Variants in DACH2 observed in about 807,000 individuals in gnomAD.
DACH2 encodes dachshund family transcription factor 2.
In DACH2, 17 loss-of-function variants were observed where a neutral mutation model predicts 35.8. The ratio of observed to expected loss-of-function variants is 0.48; its 90% CI spans 0.33 to 0.71. DACH2 has a LOEUF of 0.71. DACH2 is among the 30% of genes least tolerant of loss of function. The pLI, the probability that DACH2 is intolerant of heterozygous loss-of-function variation, is 0.02. For synonymous variants in DACH2, 195 were observed against 177.3 expected, an observed-to-expected ratio of 1.10 and a Z score of -0.79; for missense variants, 469 against 472.7, an observed-to-expected ratio of 0.99 and a Z score of 0.07.
At chrX:86,653,580 T>C in intron 4 of DACH2, among the ~76,000 whole-genome samples, 1 of 111,164 alleles carries the variant, frequency 9.0e-6, no homozygotes. Context: ...CATTCAGTAA[T>C]GAATTCCCTC....
intron 7 of DACH2, among the ~76,000 whole-genome samples, chrX:86,803,139 G>A (rs1025250739): frequency 1.6e-4 from 18 of 111,541 alleles, no homozygotes; most frequent in African/African-American, 5.9e-4. Context: ...TGGAACCTCA[G>A]CAGTTTTGTA....
At chrX:86,512,873 G>A (rs990980594) in intron 2 of DACH2, 16 of 327,164 alleles carry the variant, frequency 4.9e-5, no homozygotes, top group African/African-American at 4.0e-4. Context: ...GGCAAACACG[G>A]TAAAACACTG....
At chrX:86,523,422 T>G (rs1210021251) in intron 3 of DACH2, among the ~76,000 whole-genome samples, 1 of 111,826 alleles carries the variant, frequency 8.9e-6, no homozygotes, top group African/African-American at 3.2e-5. Context: ...TTAAAAAAAA[T>G]ATCAAGCCCT....
intron 7 of DACH2, among the ~76,000 whole-genome samples, chrX:86,765,273 G>T (rs914192983): frequency 1.8e-5 from 2 of 111,089 alleles, no homozygotes; most frequent in Admixed American, 9.6e-5. Flanking sequence ...CAATTGCTTT[G>T]GGGGAACTTA....
At chrX:86,344,323 C>CATATATATAT (rs761609271) in intron 1 of DACH2, among the ~76,000 whole-genome samples, 348 of 90,167 alleles carry the variant, frequency 3.9e-3, no homozygotes, top group Non-Finnish European at 5.1e-3. Context: ...CTTGGAAGTG[C>CATATATATAT]ATATATATAT....
chrX:86,650,973 T>G, intron 3 of DACH2, 63 bp from the exon 4 acceptor site: 4 of 1,024,736 alleles, frequency 3.9e-6, no homozygotes, highest in Non-Finnish European at 3.8e-6. Context: ...CCCCCAAATC[T>G]AAAATAAAAG....
chrX:86,831,980 A>T (rs2042616711), intron 11 of DACH2, 126 bp from the exon 12 acceptor site: 1 of 428,814 alleles, frequency 2.3e-6, no homozygotes, highest in Admixed American at 4.7e-5. Context: ...GTTAAATTTT[A>T]CCAACACTAA....
intron 1 of DACH2, among the ~76,000 whole-genome samples, chrX:86,194,110 C>G (rs865811907): frequency 9.1e-6 from 1 of 110,344 alleles, no homozygotes; most frequent in African/African-American, 3.3e-5. Context: ...TTCCTTGTGA[C>G]AAAGAAAGAA....
At chrX:86,377,283 C>T (rs186892760) in intron 2 of DACH2, among the ~76,000 whole-genome samples, 90 of 111,164 alleles carry the variant, frequency 8.1e-4, no homozygotes, top group Non-Finnish European at 1.4e-3. Context: ...TGTGCTACAA[C>T]GATAATGGAA....
At chrX:86,529,527 C>T in intron 3 of DACH2, among the ~76,000 whole-genome samples, 1 of 106,688 alleles carries the variant, frequency 9.4e-6, no homozygotes, top group Middle Eastern at 4.8e-3. Context: ...GGCTGGAGTG[C>T]AGTGGCACAA....
At chrX:86,169,167 A>G (rs759127406) in intron 1 of DACH2, among the ~76,000 whole-genome samples, 4 of 111,563 alleles carry the variant, frequency 3.6e-5, no homozygotes, top group Non-Finnish European at 7.5e-5. Flanking sequence ...TTTTTACTGG[A>G]TATACTATTC....
chrX:86,295,604 T>C (rs2034434947), intron 1 of DACH2, among the ~76,000 whole-genome samples: 2 of 111,275 alleles, frequency 1.8e-5, no homozygotes, highest in Non-Finnish European at 3.8e-5. Flanking sequence ...ACCACTAGGA[T>C]TGACAATTCC....
intron 2 of DACH2, among the ~76,000 whole-genome samples, chrX:86,380,155 G>C (rs2036025005): frequency 9.1e-6 from 1 of 110,231 alleles, no homozygotes; most frequent in Non-Finnish European, 1.9e-5. Flanking sequence ...CGTGAGTTCA[G>C]GTGATTTTTC....
At chrX:86,210,413 T>C (rs983331047) in intron 1 of DACH2, among the ~76,000 whole-genome samples, 1 of 111,392 alleles carries the variant, frequency 9.0e-6, no homozygotes, top group Non-Finnish European at 1.9e-5. Context: ...AGAATACTAA[T>C]TTAAAAAGCT....
chrX:86,445,431 C>T (rs1348064700), intron 2 of DACH2, among the ~76,000 whole-genome samples: 1 of 93,064 alleles, frequency 1.1e-5, no homozygotes, highest in Admixed American at 1.2e-4. Flanking sequence ...GTGGGTGCAG[C>T]GCACCAGCAT....
chrX:86,675,444 C>T (rs756924380), intron 4 of DACH2, among the ~76,000 whole-genome samples: 2 of 111,905 alleles, frequency 1.8e-5, no homozygotes, highest in East Asian at 2.8e-4. Context: ...TAGCACTTTA[C>T]GAAGTCGAGG....
At chrX:86,735,581 G>C (rs745455627) in intron 6 of DACH2, among the ~76,000 whole-genome samples, 1 of 111,575 alleles carries the variant, frequency 9.0e-6, no homozygotes. Context: ...TGAACTATGT[G>C]AGTACACATC....
intron 7 of DACH2, among the ~76,000 whole-genome samples, chrX:86,774,696 T>C (rs1412478329): frequency 8.9e-6 from 1 of 111,832 alleles, no homozygotes; most frequent in Non-Finnish European, 1.9e-5. Context: ...ATAATTTCAG[T>C]GGAAATGGTA....
chrX:86,158,241 C>T (rs149308925), intron 1 of DACH2, among the ~76,000 whole-genome samples: 1,600 of 110,894 alleles, frequency 0.014, 37 homozygotes, highest in African/African-American at 0.049. Context: ...ATTACCAAAC[C>T]GCAAGTTGAC....
Sources: gnomAD v4.1 joint callset for allele counts (sites outside exome capture counted in the v4.1 genomes callset) on GRCh38, gnomAD v4.1.1 for gene constraint, MANE v1.5 for transcripts, NCBI Gene and HGNC (gene_info 2026-07-23, HGNC 2026-07-21) for gene names.